Variants in ST8SIA5 observed in about 807,000 individuals in gnomAD.
ST8SIA5 encodes ST8 alpha-N-acetyl-neuraminide alpha-2,8-sialyltransferase 5.
ST8SIA5 carries 24 observed loss-of-function variants against 40.2 expected under a neutral mutation model. The ratio of observed to expected loss-of-function variants is 0.60; its 90% confidence interval spans 0.43 to 0.84. ST8SIA5 has a LOEUF of 0.84. ST8SIA5 is among the 40% of genes least tolerant of loss of function. The pLI is 0.00. For synonymous variants in ST8SIA5, 198 were observed against 201.8 expected (o/e 0.98, Z 0.16); for missense variants, 465 against 498.5 (o/e 0.93, Z 0.64).
chr18:46,689,285 C>T (rs2039479780), intron 3 of ST8SIA5, among the ~76,000 whole-genome samples: 1 of 152,190 alleles, frequency 6.6e-6, no homozygotes, highest in African/African-American at 2.4e-5. Flanking sequence ...CCCCTGTCTG[C>T]ACTGTATGGA....
intron 1 of ST8SIA5, among the ~76,000 whole-genome samples, chr18:46,748,359 T>A (rs1310779618): frequency 6.6e-6 from 1 of 150,500 alleles, no homozygotes; most frequent in East Asian, 1.9e-4. Context: ...AGATTAGGAG[T>A]TCGAGACTAG....
intron 1 of ST8SIA5, among the ~76,000 whole-genome samples, chr18:46,748,743 T>C (rs1391371186): frequency 2.0e-5 from 3 of 146,622 alleles, no homozygotes; most frequent in African/African-American, 5.0e-5. Flanking sequence ...AAAAAGATAA[T>C]AAAAGTGTTA....
chr18:46,754,201 G>A (rs1159817851), intron 1 of ST8SIA5, among the ~76,000 whole-genome samples: 3 of 152,122 alleles, frequency 2.0e-5, no homozygotes, highest in African/African-American at 7.2e-5. Flanking sequence ...TGCAGTGTAG[G>A]TAGGGTCAGG....
intron 1 of ST8SIA5, among the ~76,000 whole-genome samples, chr18:46,741,454 A>G (rs976263587): frequency 6.6e-6 from 1 of 152,230 alleles, no homozygotes; most frequent in African/African-American, 2.4e-5. Flanking sequence ...TCTACCAAAC[A>G]TTTAAAGAAT....
intron 5 of ST8SIA5, among the ~76,000 whole-genome samples, chr18:46,683,705 T>C (rs1049890454): frequency 1.3e-5 from 2 of 151,682 alleles, no homozygotes; most frequent in Non-Finnish European, 2.9e-5. Context: ...CAGACCACTA[T>C]GAAAGGCAGG....
At chr18:46,742,457 T>C (rs1191061572) in intron 1 of ST8SIA5, among the ~76,000 whole-genome samples, 2 of 151,744 alleles carry the variant, frequency 1.3e-5, no homozygotes, top group African/African-American at 4.8e-5. Context: ...TTGGACTTCA[T>C]AAAAATGTAA....
At chr18:46,688,120 C>T (rs1456314656) in intron 4 of ST8SIA5, among the ~76,000 whole-genome samples, 3 of 152,326 alleles carry the variant, frequency 2.0e-5, no homozygotes, top group East Asian at 3.9e-4. Context: ...TTCAGGTCTG[C>T]GGCTCATTCA....
intron 1 of ST8SIA5, among the ~76,000 whole-genome samples, chr18:46,737,050 C>T (rs2040041785): frequency 6.6e-6 from 1 of 152,216 alleles, no homozygotes; most frequent in African/African-American, 2.4e-5. Context: ...CCCACCCACT[C>T]ACACTGCATG....
intron 1 of ST8SIA5, among the ~76,000 whole-genome samples, chr18:46,748,314 A>G (rs967288805): frequency 6.6e-6 from 1 of 152,096 alleles, no homozygotes; most frequent in Admixed American, 6.5e-5. Context: ...CTGTAATCCC[A>G]GCACTTTGGG....
intron 3 of ST8SIA5, 89 bp from the exon 4 acceptor site, chr18:46,689,008 G>A (rs1599103159): frequency 2.0e-6 from 3 of 1,476,190 alleles, no homozygotes; most frequent in East Asian, 2.4e-5. Flanking sequence ...ACAGAGGGGT[G>A]GAGCCGAGGC....
intron 4 of ST8SIA5, 100 bp downstream of exon 4, chr18:46,688,675 C>G: frequency 6.9e-7 from 1 of 1,450,876 alleles, no homozygotes; most frequent in Non-Finnish European, 9.3e-7. Flanking sequence ...TCCAGAGGAC[C>G]GTGAGTGAGT....
At chr18:46,692,399 T>G in intron 2 of ST8SIA5, 144 bp from the exon 3 acceptor site, 4 of 655,874 alleles carry the variant, frequency 6.1e-6, no homozygotes, top group Non-Finnish European at 1.1e-5. Flanking sequence ...TTTCTTCTCT[T>G]TCTTTGTTTC....
At chr18:46,700,493 G>T (rs2039601756) in intron 2 of ST8SIA5, among the ~76,000 whole-genome samples, 1 of 152,144 alleles carries the variant, frequency 6.6e-6, no homozygotes, top group African/African-American at 2.4e-5. Context: ...GAACCACTCA[G>T]ATCAGAGGCC....
intron 2 of ST8SIA5, among the ~76,000 whole-genome samples, chr18:46,700,089 G>T (rs368409516): frequency 6.6e-6 from 1 of 152,216 alleles, no homozygotes; most frequent in East Asian, 1.9e-4. Flanking sequence ...AAATAAAGGG[G>T]CTCTAGATGA....
intron 1 of ST8SIA5, among the ~76,000 whole-genome samples, chr18:46,734,234 T>G (rs992030534): frequency 6.6e-6 from 1 of 152,136 alleles, no homozygotes; most frequent in African/African-American, 2.4e-5. Context: ...CCTACGAAGC[T>G]CCAGAGGATA....
intron 1 of ST8SIA5, among the ~76,000 whole-genome samples, chr18:46,725,764 T>C (rs2039911548): frequency 6.6e-6 from 1 of 151,490 alleles, no homozygotes; most frequent in South Asian, 2.1e-4. Context: ...TAGGATCTAT[T>C]ATTAGTCAAA....
Position 46,679,958 on chromosome 18 carries a change from C to A in ST8SIA5, c.*84G>T, listed in dbSNP as rs1409638090. Reference sequence around the variant, plus strand: ...ACAGCCTGAACGCCAGGACCCCACGCTGCCCGGTTCGGGGCTCCCAGTTCC... The same window carrying A: ...ACAGCCTGAACGCCAGGACCCCACGATGCCCGGTTCGGGGCTCCCAGTTCC... On this transcript the variant is annotated 3_prime_UTR_variant, in exon 7 of 7. Coordinates refer to ENST00000315087, the MANE Select transcript of ST8SIA5 (RefSeq NM_013305.6). 4 of 1,356,164 alleles carry A rather than the reference C, an allele frequency of 2.9e-6. No homozygotes were observed. Among genetic ancestry groups the A allele is most frequent in the Non-Finnish European group, 4.0e-6 (4 of 1,000,458 alleles). The allele number at this position is 1,356,164 out of a possible 1,614,324, so 84.0% of individuals were successfully genotyped here.
chr18:46,752,546 C>T (rs912407750), intron 1 of ST8SIA5, among the ~76,000 whole-genome samples: 9 of 152,340 alleles, frequency 5.9e-5, no homozygotes, highest in Middle Eastern at 3.4e-3. Context: ...ACCTGCACTG[C>T]CCCACCTTCT....
chr18:46,720,112 T>A (rs2039846848), intron 1 of ST8SIA5, among the ~76,000 whole-genome samples: 1 of 152,168 alleles, frequency 6.6e-6, no homozygotes, highest in Non-Finnish European at 1.5e-5. Flanking sequence ...GTGCTGGGAT[T>A]ACGGGCATGA....
Sources: allele counts gnomAD v4.1 joint callset (sites outside exome capture counted in the v4.1 genomes callset), GRCh38; gene constraint gnomAD v4.1.1; transcripts MANE v1.5; gene names NCBI Gene and HGNC (gene_info 2026-07-23, HGNC 2026-07-21).